Variants in RAB3GAP2 observed in about 807,000 individuals in gnomAD.
RAB3GAP2 encodes rab3 GTPase-activating protein non-catalytic subunit.
Under a neutral mutation model 185.3 loss-of-function variants are expected in RAB3GAP2, and 87 were observed. The observed-to-expected ratio is 0.47, with a 90% CI of 0.39 to 0.56. RAB3GAP2 has a LOEUF of 0.56. Among genes scored for constraint, RAB3GAP2 ranks in the 20% least tolerant of loss-of-function variants. RAB3GAP2 has a pLI of 0.00. For missense variants in RAB3GAP2, 1,492 were observed against 1,638.2 expected, an observed-to-expected ratio of 0.91 and a Z score of 1.54; for synonymous variants, 554 against 576.1, an observed-to-expected ratio of 0.96 and a Z score of 0.55.
chr1:220,226,793 C>G (rs1283234946), intron 2 of RAB3GAP2, among the ~76,000 whole-genome samples: 1 of 152,116 alleles, frequency 6.6e-6, no homozygotes. Context: ...TATGTTGATG[C>G]CTTAACCCTA....
intron 1 of RAB3GAP2, among the ~76,000 whole-genome samples, chr1:220,251,456 C>A (rs1048098131): frequency 3.9e-5 from 6 of 152,010 alleles, no homozygotes; most frequent in Non-Finnish European, 7.4e-5. Flanking sequence ...TTTAAAGATA[C>A]AATTAAAAAG....
chr1:220,267,029 G>T (rs1660239956), intron 1 of RAB3GAP2: 1 of 1,611,476 alleles, frequency 6.2e-7, no homozygotes, highest in East Asian at 2.2e-5. Flanking sequence ...ATTTCGGGGG[G>T]CAGGTAGTCC....
chr1:220,175,366 G>C (rs557805678), intron 21 of RAB3GAP2, among the ~76,000 whole-genome samples: 2 of 152,048 alleles, frequency 1.3e-5, no homozygotes, highest in East Asian at 3.9e-4. Context: ...CTACAGGCGC[G>C]AGCCACCATG....
intron 1 of RAB3GAP2, among the ~76,000 whole-genome samples, chr1:220,251,401 T>C (rs1226558616): frequency 6.6e-6 from 1 of 152,046 alleles, no homozygotes; most frequent in African/African-American, 2.4e-5. Context: ...ATTTGCAAAA[T>C]ATAAACACAG....
chr1:220,195,373 C>T lies in RAB3GAP2; in HGVS notation c.965G>A (p.Ser322Asn), dbSNP rs747611609. 1 of 1,611,184 alleles carries T rather than the reference C, an allele frequency of 6.2e-7. No homozygotes were observed. The highest frequency in any genetic ancestry group is 8.5e-7 in the Non-Finnish European group (1 of 1,177,538). The part of the protein sequence containing the change: ...FTGFFYALEG[S>N]TQPLLSHVAL... ...AACATGGGATAATAATGGTTGTGTG[C>T]TTCCCTGAAAAACAGAACATTTGAA... Residue 322 changes from serine (S) to asparagine (N), a missense_variant, in exon 11 of 35, where the codon AGC (serine) becomes AAC (asparagine). By Grantham distance (46) the Ser-to-Asn change is conservative. This residue lies in a region of RAB3GAP2 where 243 missense variants were observed against 314.8 expected (regional missense o/e 0.77). Coordinates refer to ENST00000358951, the MANE Select transcript of RAB3GAP2 (RefSeq NM_012414.4).
At chr1:220,197,485 A>T (rs1044086109) in intron 9 of RAB3GAP2, among the ~76,000 whole-genome samples, 1 of 152,170 alleles carries the variant, frequency 6.6e-6, no homozygotes, top group African/African-American at 2.4e-5. Flanking sequence ...AAATCCTTGG[A>T]CTATTTTTTA....
chr1:220,237,092 A>C (rs1418992497), intron 1 of RAB3GAP2, among the ~76,000 whole-genome samples: 3 of 152,204 alleles, frequency 2.0e-5, no homozygotes, highest in Admixed American at 2.0e-4. Flanking sequence ...GAAAGCCCTA[A>C]GCTCTGGTAT....
At position 220,190,740 on chromosome 1, in the gene RAB3GAP2, CCT is replaced by C. The variant is rs141349027; in HGVS notation, c.1488-222_1488-221del. 0.016 allele frequency among the ~76,000 whole-genome samples: 2,508 copies of C among 152,212 alleles called. 46 individuals carry two copies. Among genetic ancestry groups the C allele is most frequent in the African/African-American group, 0.044 (1,837 of 41,532 alleles). ...AAAATTAAATGAACACAATCAGGCC[CCT>C]GTTTCAATGGCAAACAAAGCATTCA... is the stretch of plus-strand genomic sequence containing the variant. On this transcript the variant is annotated intron_variant, in intron 14 of 34. Coordinates refer to ENST00000358951, the MANE Select transcript of RAB3GAP2 (RefSeq NM_012414.4).
At chr1:220,258,180 T>A (rs1343337955) in intron 1 of RAB3GAP2, among the ~76,000 whole-genome samples, 1 of 152,148 alleles carries the variant, frequency 6.6e-6, no homozygotes. Flanking sequence ...GCTGGTACCA[T>A]TTCTACTGAA....
At chr1:220,243,966 T>C (rs1194440021) in intron 1 of RAB3GAP2, among the ~76,000 whole-genome samples, 2 of 152,114 alleles carry the variant, frequency 1.3e-5, no homozygotes, top group Non-Finnish European at 2.9e-5. Context: ...CAACATCATA[T>C]TGAATGGGAA....
intron 1 of RAB3GAP2, among the ~76,000 whole-genome samples, chr1:220,255,106 T>C (rs1660010914): frequency 6.6e-6 from 1 of 152,040 alleles, no homozygotes; most frequent in Non-Finnish European, 1.5e-5. Context: ...CGTTTTAACA[T>C]GATAGATGCA....
At chr1:220,206,696 C>A (rs1337377744) in intron 7 of RAB3GAP2, among the ~76,000 whole-genome samples, 1 of 152,148 alleles carries the variant, frequency 6.6e-6, no homozygotes. Flanking sequence ...AGAATAAAAC[C>A]TGAACTCATT....
intron 2 of RAB3GAP2, among the ~76,000 whole-genome samples, chr1:220,228,327 A>G (rs1659439943): frequency 6.6e-6 from 1 of 152,200 alleles, no homozygotes; most frequent in Non-Finnish European, 1.5e-5. Flanking sequence ...AGCTGGTTAT[A>G]GTTCTGGAGT....
At chr1:220,189,839 G>C in intron 16 of RAB3GAP2, 72 bp from the exon 17 acceptor site, 1 of 1,265,108 alleles carries the variant, frequency 7.9e-7, no homozygotes, top group Non-Finnish European at 1.1e-6. Context: ...GAAAGAAAAT[G>C]AACATATCTG....
intron 21 of RAB3GAP2, among the ~76,000 whole-genome samples, chr1:220,182,036 TCTCA>T (rs754393597): frequency 6.6e-6 from 1 of 151,450 alleles, no homozygotes; most frequent in African/African-American, 2.4e-5. Flanking sequence ...TCTCTCTCTC[TCTCA>T]AAGTAAAAGA....
chr1:220,261,951 T>G (rs1166466421), intron 1 of RAB3GAP2, among the ~76,000 whole-genome samples: 3 of 151,940 alleles, frequency 2.0e-5, no homozygotes, highest in Non-Finnish European at 4.4e-5. Flanking sequence ...TTAAATAATC[T>G]ATTTATTATT....
intron 1 of RAB3GAP2, among the ~76,000 whole-genome samples, chr1:220,270,994 C>T (rs1176438094): frequency 6.6e-6 from 1 of 152,234 alleles, no homozygotes; most frequent in African/African-American, 2.4e-5. Flanking sequence ...CTCCCTTCCT[C>T]TGCACATGCT....
intron 1 of RAB3GAP2, among the ~76,000 whole-genome samples, chr1:220,240,257 C>T (rs964725913): frequency 6.6e-6 from 1 of 152,118 alleles, no homozygotes; most frequent in Non-Finnish European, 1.5e-5. Flanking sequence ...ATCAGGACAG[C>T]GTTCCAGCAA....
In RAB3GAP2 at chr1:220,272,414, C is replaced by G; in HGVS notation, c.-77G>C. 9.9e-7 allele frequency: 1 copy of G among 1,005,474 alleles called. No homozygotes were observed. The highest frequency in any genetic ancestry group is 2.0e-5 in the Admixed American group (1 of 50,128). The allele number at this position is 1,005,474 out of a possible 1,614,324, so 62.3% of individuals were successfully genotyped here. ...CCCTCCACCCCACTGCGGCCGCCACCGAGCCCCAATAGCTCTAGCCAAGCA... is the reference window on the plus strand; with the variant it reads ...CCCTCCACCCCACTGCGGCCGCCACGGAGCCCCAATAGCTCTAGCCAAGCA... On this transcript the variant is annotated 5_prime_UTR_variant, in exon 1 of 35. Transcript: ENST00000358951.
Sources: allele counts gnomAD v4.1 joint callset (sites outside exome capture counted in the v4.1 genomes callset), GRCh38; gene constraint gnomAD v4.1.1; regional missense constraint gnomAD v4.1.1; transcripts MANE v1.5; gene names NCBI Gene and HGNC (gene_info 2026-07-23, HGNC 2026-07-21).